The following SEC24A variants were observed in gnomAD, a reference collection of about 807,000 sequenced individuals.
SEC24A encodes the protein SEC24 homolog A, COPII component.
A neutral mutation model predicts 129.4 loss-of-function variants in SEC24A; 93 were observed. That is an observed-to-expected ratio of 0.72 (90% CI 0.61 to 0.85). SEC24A has a LOEUF of 0.85. Among genes scored for constraint, SEC24A ranks in the 40% least tolerant of loss-of-function variants. The pLI is 0.00. For synonymous variants in SEC24A, 460 were observed against 467.3 expected, an observed-to-expected ratio of 0.98 and a Z score of 0.20; for missense variants, 1,264 against 1,307.4, an observed-to-expected ratio of 0.97 and a Z score of 0.51.
At position 134,676,040 on chromosome 5, in the gene SEC24A, T is replaced by C; in HGVS notation, c.1169T>C (p.Leu390Pro). The C allele has an allele frequency of 6.2e-7, 1 of 1,609,238 alleles. No homozygotes were observed. Among genetic ancestry groups the C allele is most frequent in the Admixed American group, 1.7e-5 (1 of 58,832 alleles). ...TGATATAGGTTATTTCGATGCACGC[T>C]GACTAGCATTCCTCAGACGCAGGCC... ...NCNPELFRCT[L>P]TSIPQTQALL... The change falls in exon 7 of 23, where the codon CTG becomes CCG. Residue 390 changes from leucine to proline, a missense_variant. Leu to Pro is a moderately conservative substitution (Grantham distance 98). Coordinates refer to ENST00000398844, the MANE Select transcript of SEC24A (RefSeq NM_021982.3).
At position 134,718,715 on chromosome 5, in the gene SEC24A, T is replaced by C. The variant is rs1476826665; in HGVS notation, c.2970+542T>C. On this transcript the variant is annotated intron_variant, in intron 20 of 22. Coordinates refer to ENST00000398844, the MANE Select transcript of SEC24A (RefSeq NM_021982.3). ...GGCCGGGCACGGTGGCTCATGCCTATAATCCCAGCACTTTGGGAGGCCGAG... is the reference window on the plus strand; with the variant it reads ...GGCCGGGCACGGTGGCTCATGCCTACAATCCCAGCACTTTGGGAGGCCGAG... Among the ~76,000 whole-genome samples, 4 of 152,158 alleles carry C rather than the reference T, an allele frequency of 2.6e-5. No homozygotes were observed. In the East Asian group the frequency reaches 7.7e-4, roughly 29 times the overall value.
At chr5:134,683,348 GT>G (rs940870956) in intron 9 of SEC24A, among the ~76,000 whole-genome samples, 3 of 150,826 alleles carry the variant, frequency 2.0e-5, no homozygotes, top group African/African-American at 7.3e-5. Flanking sequence ...GTTACAGTCA[GT>G]TTTTTTTTCC....
At chr5:134,660,498 T>A (rs1012638818) in intron 1 of SEC24A, among the ~76,000 whole-genome samples, 1 of 152,078 alleles carries the variant, frequency 6.6e-6, no homozygotes, top group African/African-American at 2.4e-5. Flanking sequence ...TATGCTTATA[T>A]ATTATTTTTT....
chr5:134,711,994 G>A (rs1456701073), intron 18 of SEC24A, among the ~76,000 whole-genome samples: 3 of 151,790 alleles, frequency 2.0e-5, no homozygotes, highest in African/African-American at 4.8e-5. Context: ...TGATCCACCC[G>A]CCTCGGCCTC....
chr5:134,675,358 G>A, intron 6 of SEC24A, 141 bp downstream of exon 6: 1 of 630,132 alleles, frequency 1.6e-6, no homozygotes, highest in African/African-American at 1.8e-5. Context: ...TCTTTTACTT[G>A]TTTACTTAAT....
At chr5:134,659,047 T>TTA (rs1554136610) in intron 1 of SEC24A, among the ~76,000 whole-genome samples, 5 of 138,830 alleles carry the variant, frequency 3.6e-5, no homozygotes, top group East Asian at 2.1e-4. Flanking sequence ...ACCCATTTAT[T>TTA]TTTATTTATT....
intron 17 of SEC24A, among the ~76,000 whole-genome samples, chr5:134,705,751 G>A (rs1238187843): frequency 6.6e-6 from 1 of 151,932 alleles, no homozygotes; most frequent in Non-Finnish European, 1.5e-5. Flanking sequence ...CATTTCTATT[G>A]TCTCAAGAGG....
At chr5:134,661,009 ATTGAG>A (rs1750437155) in intron 1 of SEC24A, 105 bp from the exon 2 acceptor site, 3 of 797,118 alleles carry the variant, frequency 3.8e-6, no homozygotes, top group Non-Finnish European at 6.1e-6. Context: ...TTATTTTTTA[ATTGAG>A]TTATGTGTTT....
chr5:134,669,956 G>C (rs757638378), intron 3 of SEC24A, among the ~76,000 whole-genome samples: 3 of 151,402 alleles, frequency 2.0e-5, no homozygotes, highest in Non-Finnish European at 2.9e-5. Context: ...GCTGAGGCTG[G>C]AGTTCTGTTT....
intron 15 of SEC24A, among the ~76,000 whole-genome samples, chr5:134,699,330 G>A (rs1751930603): frequency 7.3e-6 from 1 of 136,564 alleles, no homozygotes; most frequent in Non-Finnish European, 1.5e-5. Flanking sequence ...GGACTGTCTC[G>A]CTCTGTCGTC....
intron 4 of SEC24A, among the ~76,000 whole-genome samples, chr5:134,673,859 G>A (rs1750960727): frequency 6.6e-6 from 1 of 152,114 alleles, no homozygotes; most frequent in South Asian, 2.1e-4. Context: ...TTTTGGCCGG[G>A]CACGGTGGCT....
rs557142391 is a variant in SEC24A, at chr5:134,656,182, A to C, written c.98-4937A>C. Among the ~76,000 whole-genome samples, 4 of 150,902 alleles carry C rather than the reference A, an allele frequency of 2.7e-5. 1 individual carries two copies. The Admixed American group carries it at 2.7e-4, about 10-fold the overall frequency. On this transcript the variant is annotated intron_variant, in intron 1 of 22. Coordinates refer to ENST00000398844, the MANE Select transcript of SEC24A (RefSeq NM_021982.3). The stretch of plus-strand genomic sequence containing the variant: ...ACTGCAACCTTTGCCTCCTGGGTTC[A>C]AGCGATTCTCCTTTCTCAGCCTCCG...
chr5:134,666,121 T>C (rs1163056578), intron 2 of SEC24A, among the ~76,000 whole-genome samples: 1 of 152,042 alleles, frequency 6.6e-6, no homozygotes, highest in African/African-American at 2.4e-5. Flanking sequence ...CCCCCGTCTC[T>C]ATTTTATTAA....
chr5:134,674,893 G>T (rs1261865710), intron 5 of SEC24A, 118 bp downstream of exon 5: 1 of 1,115,724 alleles, frequency 9.0e-7, no homozygotes, highest in Non-Finnish European at 1.2e-6. Context: ...AATAATAATG[G>T]ATATTTCATA....
In SEC24A at chr5:134,726,920, T is replaced by G. The variant is rs1008043128; in HGVS notation, c.*1826T>G. The G allele has an allele frequency of 1.1e-4, 17 of 152,180 alleles. No individual in the cohort carries two copies. Among genetic ancestry groups the G allele is most frequent in the African/African-American group, 3.9e-4 (16 of 41,462 alleles). 9.4% of individuals were successfully genotyped at this position (152,180 alleles called of 1,614,324 possible). On this transcript the variant is annotated 3_prime_UTR_variant, in exon 23 of 23. Transcript: ENST00000398844. ...ATCCCTAAGTGGGTATGACTCTTGT[T>G]ATTACCACATGCTTTTTTAGTATAT...
At chr5:134,657,504 A>G (rs533339135) in intron 1 of SEC24A, among the ~76,000 whole-genome samples, 1 of 152,218 alleles carries the variant, frequency 6.6e-6, no homozygotes, top group East Asian at 1.9e-4. Flanking sequence ...TGTTTCCTCA[A>G]ATCAGTTTTT....
At chr5:134,684,705 T>C (rs1244678076) in intron 9 of SEC24A, among the ~76,000 whole-genome samples, 2 of 151,480 alleles carry the variant, frequency 1.3e-5, no homozygotes, top group Non-Finnish European at 2.9e-5. Flanking sequence ...CGTGCGAGAC[T>C]CCATCTCAAA....
rs1241940206 is a variant in SEC24A, at chr5:134,693,826, A to G, written c.1879A>G (p.Met627Val). ...TGCACTGCAGGCTGCCTTTAAGCTG[A>G]TGTCTCCAACTGGTGGTCGAATGTC... ...GPALQAAFKL[M>V]SPTGGRMSVF... The change falls in exon 13 of 23, where the codon ATG becomes GTG. Residue 627 changes from methionine to valine, a missense_variant. Transcript: ENST00000398844. 6 of 1,614,036 alleles carry G rather than the reference A, an allele frequency of 3.7e-6. No homozygotes were observed.
At chr5:134,720,560 G>GTATTTATA (rs1752601072) in intron 20 of SEC24A, among the ~76,000 whole-genome samples, 2 of 152,210 alleles carry the variant, frequency 1.3e-5, no homozygotes, top group African/African-American at 4.8e-5. Flanking sequence ...TATTAATTCA[G>GTATTTATA]TTAAAGGCTG....
Sources: allele counts gnomAD v4.1 joint callset (sites outside exome capture counted in the v4.1 genomes callset), GRCh38; gene constraint gnomAD v4.1.1; transcripts MANE v1.5; gene names NCBI Gene and HGNC (gene_info 2026-07-23, HGNC 2026-07-21).